Variants in TENT4A observed in about 807,000 individuals in gnomAD.
The protein encoded by TENT4A is DNA polymerase kappa.
In TENT4A, 7 loss-of-function variants were observed where a neutral mutation model predicts 72.8. The ratio of observed to expected loss-of-function variants is 0.10; its 90% CI spans 0.05 to 0.18. The LOEUF (loss-of-function observed/expected upper bound fraction) is 0.18. TENT4A is among the 10% of genes least tolerant of loss of function. The probability of loss-of-function intolerance (pLI) is 1.00; values close to 1 mark genes in which losing one functional copy is unlikely to be tolerated. For missense variants in TENT4A, 831 were observed against 1,017.7 expected, an observed-to-expected ratio of 0.82 and a Z score of 2.50; for synonymous variants, 456 against 434.3, an observed-to-expected ratio of 1.05 and a Z score of -0.62.
At position 6,750,353 on chromosome 5, in the gene TENT4A, G is replaced by C. The variant is rs1380469962; in HGVS notation, c.1710G>C (p.Glu570Asp). 1 of 1,612,134 alleles carries C rather than the reference G, an allele frequency of 6.2e-7. No individual in the cohort carries two copies. Among genetic ancestry groups the C allele is most frequent in the Non-Finnish European group, 8.5e-7 (1 of 1,179,176 alleles). ...CAGACAGCAGGATCAAGATCAAAGA[G>C]CGAATAGCCACATGCAATGGGGAGC... ...PGMDSRIKIK[E>D]RIATCNGEQT... is the part of the protein sequence containing the mutation. Residue 570 changes from glutamate to aspartate, a missense_variant, in exon 10 of 13, where the codon GAG (glutamate) becomes GAC (aspartate). By Grantham distance (45) the Glu-to-Asp change is conservative. This residue lies in a region of TENT4A where 332 missense variants were observed against 324.3 expected (regional missense o/e 1.02). Transcript: ENST00000230859.
intron 1 of TENT4A, 105 bp downstream of exon 1, chr5:6,714,804 A>G (rs946734127): frequency 9.6e-5 from 50 of 520,076 alleles, no homozygotes; most frequent in Admixed American, 7.5e-4. Flanking sequence ...TGGAGGATGG[A>G]TGTTGAAGGC....
chr5:6,750,980 AAGT>A, intron 10 of TENT4A, 56 bp from the exon 11 acceptor site: 1 of 1,560,380 alleles, frequency 6.4e-7, no homozygotes. Flanking sequence ...AGCTTTAAGG[AAGT>A]AGTAGTGCAC....
intron 1 of TENT4A, among the ~76,000 whole-genome samples, chr5:6,727,775 GC>G (rs1186087291): frequency 6.6e-6 from 1 of 152,084 alleles, no homozygotes; most frequent in Non-Finnish European, 1.5e-5. Flanking sequence ...TCCCCATCAT[GC>G]CCCCTGTCCC....
chr5:6,737,758 C>T, intron 2 of TENT4A, 125 bp downstream of exon 2: 5 of 1,103,266 alleles, frequency 4.5e-6, no homozygotes, highest in Non-Finnish European at 5.0e-6. Context: ...CAGCAGTTCT[C>T]CAAGTGTGCT....
intron 1 of TENT4A, among the ~76,000 whole-genome samples, chr5:6,729,142 T>C (rs1457383334): frequency 6.6e-6 from 1 of 152,220 alleles, no homozygotes; most frequent in Non-Finnish European, 1.5e-5. Flanking sequence ...CCTTCCTGAG[T>C]GTGGCTTCCA....
At chr5:6,717,877 G>T (rs568385608) in intron 1 of TENT4A, among the ~76,000 whole-genome samples, 6 of 152,302 alleles carry the variant, frequency 3.9e-5, no homozygotes, top group African/African-American at 1.4e-4. Flanking sequence ...ACCTCTTCAG[G>T]TTAAGAGTCT....
At chr5:6,731,974 G>C (rs1741238015) in intron 1 of TENT4A, among the ~76,000 whole-genome samples, 5 of 152,216 alleles carry the variant, frequency 3.3e-5, no homozygotes, top group Admixed American at 3.3e-4. Context: ...ACGCTGTCCT[G>C]GCTTCTGGGC....
At chr5:6,732,477 A>G (rs1197362343) in intron 1 of TENT4A, among the ~76,000 whole-genome samples, 1 of 152,230 alleles carries the variant, frequency 6.6e-6, no homozygotes, top group Non-Finnish European at 1.5e-5. Flanking sequence ...GCAAGCATAT[A>G]CCAGATACTA....
chr5:6,717,416 G>T (rs1000436846), intron 1 of TENT4A, among the ~76,000 whole-genome samples: 1 of 152,254 alleles, frequency 6.6e-6, no homozygotes, highest in Non-Finnish European at 1.5e-5. Flanking sequence ...TTGGGTCTTT[G>T]CCTGGTAGCC....
At chr5:6,743,106 C>T (rs1440406904) in intron 5 of TENT4A, among the ~76,000 whole-genome samples, 3 of 152,126 alleles carry the variant, frequency 2.0e-5, no homozygotes, top group Non-Finnish European at 4.4e-5. Flanking sequence ...GACGCACCTC[C>T]GGGTGGTCGT....
chr5:6,725,513 G>A (rs185446424), intron 1 of TENT4A, among the ~76,000 whole-genome samples: 4 of 152,316 alleles, frequency 2.6e-5, no homozygotes, highest in Admixed American at 2.0e-4. Flanking sequence ...CCAAACAGGA[G>A]GACCTGGTGC....
rs2126586958 is a variant in TENT4A at position 6,714,547 on chromosome 5, G to T, written c.564G>T (p.Arg188=). 1 of 1,197,214 alleles carries T rather than the reference G, an allele frequency of 8.4e-7. No individual in the cohort carries two copies. The highest frequency in any genetic ancestry group is 1.0e-6 in the Non-Finnish European group (1 of 965,610). 74.2% of individuals were successfully genotyped at this position (1,197,214 alleles called of 1,614,324 possible). A position where few individuals can be genotyped will look rare whatever the true frequency, so the allele number is the denominator to read the frequency against. ...PSQHQFHPGR[R]KRENKASTYG... ...AGCACCAGTTCCACCCGGGTCGCCG[G>T]AAACGCGAGAACAAGGCCAGCACCT... Residue 188 remains arginine, a synonymous_variant, in exon 1 of 13, where the codon CGG becomes CGT. Coordinates refer to ENST00000230859, the MANE Select transcript of TENT4A (RefSeq NM_006999.6).
rs1191835218 is a variant in TENT4A, at chr5:6,742,593, T to C, written c.1112T>C (p.Met371Thr). Residue 371 changes from methionine (M) to threonine (T), a missense_variant, in exon 5 of 13, where the codon ATG becomes ACG. Coordinates refer to ENST00000230859, the MANE Select transcript of TENT4A (RefSeq NM_006999.6). ...VRAAEFIKNY[M>T]KKYSLLPYLI... is the part of the protein sequence containing the mutation. ...GCAGCGGAGTTCATCAAGAATTACA[T>C]GAAGGTACTGTGCTTGGTGACCCAG... 5 of 1,594,700 alleles carry C rather than the reference T, an allele frequency of 3.1e-6. No homozygotes were observed. Among genetic ancestry groups the C allele is most frequent in the Non-Finnish European group, 4.3e-6 (5 of 1,162,390 alleles).
rs1742673222 is a variant in TENT4A at position 6,755,960 on chromosome 5, CTA to C, written c.*1017_*1018del. Reference sequence around the variant, plus strand: ...TAGCCTGTGATGATGGGTCTGGTGACTATTATTGCGGACCGTGGTACCCAGTT... The same window carrying C: ...TAGCCTGTGATGATGGGTCTGGTGACTTATTGCGGACCGTGGTACCCAGTT... On this transcript the variant is annotated 3_prime_UTR_variant, in exon 13 of 13. Transcript: ENST00000230859. 1 of 152,198 alleles carries C rather than the reference CTA, an allele frequency of 6.6e-6. No homozygotes were observed. The highest frequency in any genetic ancestry group is 6.5e-5 in the Admixed American group (1 of 15,286). 9.4% of individuals were successfully genotyped at this position (152,198 alleles called of 1,614,324 possible). A position where few individuals can be genotyped will look rare whatever the true frequency, so the allele number is the denominator to read the frequency against.
intron 9 of TENT4A, 103 bp downstream of exon 9, chr5:6,749,760 G>A (rs1484755840): frequency 2.6e-6 from 2 of 765,980 alleles, no homozygotes; most frequent in Non-Finnish European, 4.5e-6. Context: ...TAAGAAAATA[G>A]CTAGTTTTTC....
chr5:6,739,622 T>C lies in TENT4A; in HGVS notation c.888-110T>C, dbSNP rs1384144234. ...GCCATAGGCTAGTGGGATTGTGTCT[T>C]GGCCTTTGTGGGAGACACAGGCACA... is the stretch of plus-strand genomic sequence containing the variant. On this transcript the variant is annotated intron_variant, in intron 3 of 12. Transcript: ENST00000230859. 9.0e-6 allele frequency: 12 copies of C among 1,333,716 alleles called. No homozygotes were observed. In the East Asian group the frequency reaches 1.9e-4, roughly 21 times the overall value. 82.6% of individuals were successfully genotyped at this position (1,333,716 alleles called of 1,614,324 possible). A position where few individuals can be genotyped will look rare whatever the true frequency, so the allele number is the denominator to read the frequency against.
At chr5:6,748,663 T>C (rs1372837638) in intron 8 of TENT4A, 73 bp downstream of exon 8, 12 of 1,465,088 alleles carry the variant, frequency 8.2e-6, no homozygotes, top group Non-Finnish European at 1.0e-5. Flanking sequence ...CTGTGTCATT[T>C]ACCTCCATGA....
intron 3 of TENT4A, among the ~76,000 whole-genome samples, chr5:6,739,116 A>G (rs757011380): frequency 1.3e-5 from 2 of 152,246 alleles, no homozygotes; most frequent in Non-Finnish European, 2.9e-5. Context: ...AGTATTTTCT[A>G]AGTATTTTTA....
intron 1 of TENT4A, among the ~76,000 whole-genome samples, chr5:6,727,342 G>A (rs534039628): frequency 1.2e-4 from 19 of 152,292 alleles, no homozygotes; most frequent in South Asian, 1.2e-3. Context: ...AGGGCCTGGC[G>A]TCTCAGCAGG....
Sources: allele counts gnomAD v4.1 joint callset (sites outside exome capture counted in the v4.1 genomes callset), GRCh38; gene constraint gnomAD v4.1.1; regional missense constraint gnomAD v4.1.1; transcripts MANE v1.5; gene names NCBI Gene and HGNC (gene_info 2026-07-23, HGNC 2026-07-21).